KLHDC4: variants seen among roughly 807,000 people sequenced by gnomAD.
KLHDC4 encodes the protein kelch domain-containing protein 4.
Under a neutral mutation model 62.4 loss-of-function variants are expected in KLHDC4, and 90 were observed. That is an observed-to-expected ratio of 1.44 (90% CI 1.22 to 1.72). The LOEUF is 1.72. KLHDC4 is among the 40% of genes most tolerant of loss of function. KLHDC4 has a pLI of 0.00. For synonymous variants in KLHDC4, 386 were observed against 284.4 expected (o/e 1.36, Z -3.59); for missense variants, 1,025 against 699.7 (o/e 1.47, Z -5.25).
intron 7 of KLHDC4, among the ~76,000 whole-genome samples, chr16:87,717,435 G>C (rs1010373831): frequency 1.3e-5 from 2 of 152,164 alleles, no homozygotes; most frequent in African/African-American, 4.8e-5. Context: ...ACTGTCCACA[G>C]AGACTTCATA....
intron 2 of KLHDC4, among the ~76,000 whole-genome samples, chr16:87,760,523 C>T (rs1160905313): frequency 4.8e-5 from 7 of 145,746 alleles, no homozygotes; most frequent in East Asian, 4.2e-4. Flanking sequence ...AGGAGAATGG[C>T]GTGAACCCGG....
intron 8 of KLHDC4, among the ~76,000 whole-genome samples, chr16:87,713,458 A>G (rs942162436): frequency 1.3e-5 from 2 of 152,086 alleles, no homozygotes; most frequent in South Asian, 2.1e-4. Context: ...TCAGCCTCCC[A>G]AAGTGCTGGG....
intron 5 of KLHDC4, among the ~76,000 whole-genome samples, chr16:87,741,770 TC>T (rs1445709800): frequency 2.0e-5 from 3 of 152,188 alleles, no homozygotes; most frequent in Admixed American, 2.0e-4. Context: ...GACTGACTAC[TC>T]CAGATACTGA....
At chr16:87,720,183 G>C (rs1335278058) in intron 7 of KLHDC4, among the ~76,000 whole-genome samples, 1 of 152,216 alleles carries the variant, frequency 6.6e-6, no homozygotes, top group African/African-American at 2.4e-5. Flanking sequence ...GTCACAGAAT[G>C]GGCCGGCGGT....
chr16:87,720,293 A>G (rs1368247055), intron 7 of KLHDC4, among the ~76,000 whole-genome samples: 1 of 152,186 alleles, frequency 6.6e-6, no homozygotes, highest in Non-Finnish European at 1.5e-5. Flanking sequence ...ACTGATGTTC[A>G]CCGAAATCAC....
intron 1 of KLHDC4, chr16:87,763,623 A>T (rs2046198239): frequency 1.3e-5 from 2 of 152,240 alleles, no homozygotes; most frequent in African/African-American, 4.8e-5. Context: ...AATAAAAAAT[A>T]AAATGTCATT....
chr16:87,764,392 G>C (rs1013052408), intron 1 of KLHDC4, among the ~76,000 whole-genome samples: 4 of 152,072 alleles, frequency 2.6e-5, no homozygotes, highest in African/African-American at 9.7e-5. Context: ...CTTACGGCTT[G>C]TAATCCCAGC....
At position 87,712,872 on chromosome 16, in the gene KLHDC4, C is replaced by T. The variant is rs568733232; in HGVS notation, c.836-1429G>A. Among the ~76,000 whole-genome samples, 4 of 152,304 alleles carry T rather than the reference C, an allele frequency of 2.6e-5. No individual in the cohort carries two copies. The South Asian group carries it at 6.2e-4, about 24-fold the overall frequency. ...AGGCATTGGGTCTCCTGGGTCTAGC[C>T]CAGCCCTCTGGTCCCAAGCCACAGC... On this transcript the variant is annotated intron_variant, in intron 8 of 11. Coordinates refer to ENST00000270583, the MANE Select transcript of KLHDC4 (RefSeq NM_017566.4).
chr16:87,705,690 T>TTC (rs1256863420), downstream of KLHDC4, among the ~76,000 whole-genome samples: 1 of 152,206 alleles, frequency 6.6e-6, no homozygotes, highest in Non-Finnish European at 1.5e-5. Flanking sequence ...AACAAGATAT[T>TTC]TCCTCTTCTT....
intron 7 of KLHDC4, 45 bp downstream of exon 7, chr16:87,726,720 T>TCTCCCCACCCCGCGCCTCGCCCGTC (rs745354844): frequency 7.4e-7 from 1 of 1,352,002 alleles, no homozygotes; most frequent in African/African-American, 1.6e-5. Flanking sequence ...GCCTCGCCTG[T>TCTCCCCACCCCGCGCCTCGCCCGTC]TTCCCGGTCC....
At chr16:87,714,806 C>A (rs936568838) in intron 7 of KLHDC4, among the ~76,000 whole-genome samples, 1 of 152,200 alleles carries the variant, frequency 6.6e-6, no homozygotes, top group South Asian at 2.1e-4. Flanking sequence ...CGCGATCACA[C>A]AGTACACTAG....
chr16:87,718,127 T>A (rs1386316010), intron 7 of KLHDC4, among the ~76,000 whole-genome samples: 2 of 152,130 alleles, frequency 1.3e-5, no homozygotes, highest in Non-Finnish European at 2.9e-5. Context: ...GTGTTGTGAC[T>A]TTTCCCAAAA....
intron 5 of KLHDC4, among the ~76,000 whole-genome samples, chr16:87,740,302 A>C (rs2042048612): frequency 6.6e-6 from 1 of 152,006 alleles, no homozygotes; most frequent in African/African-American, 2.4e-5. Context: ...GTGCATCCCG[A>C]GGGGACCACC....
chr16:87,747,541 C>G (rs1431044868), intron 5 of KLHDC4: 2 of 152,182 alleles, frequency 1.3e-5, no homozygotes, highest in Non-Finnish European at 2.9e-5. Flanking sequence ...GACGGAAAAG[C>G]CTGGGAACAC....
chr16:87,729,666 C>T (rs956741651), intron 6 of KLHDC4, among the ~76,000 whole-genome samples: 10 of 152,350 alleles, frequency 6.6e-5, no homozygotes, highest in Admixed American at 2.0e-4. Context: ...GCCAGCTGCA[C>T]GAACACCCAC....
chr16:87,764,012 G>C (rs2143519289), intron 1 of KLHDC4, among the ~76,000 whole-genome samples: 1 of 152,318 alleles, frequency 6.6e-6, no homozygotes, highest in African/African-American at 2.4e-5. Flanking sequence ...CAGAGGCCAG[G>C]ACTAAGTGAA....
chr16:87,765,447 C>A, intron 1 of KLHDC4: 1 of 498,840 alleles, frequency 2.0e-6, no homozygotes. Flanking sequence ...TGTGCCAAAC[C>A]CCTCCCTCTT....
chr16:87,725,829 G>A (rs1450376768), intron 7 of KLHDC4, among the ~76,000 whole-genome samples: 1 of 152,166 alleles, frequency 6.6e-6, no homozygotes. Flanking sequence ...GTGGGCGCGA[G>A]AACATTCCTG....
chr16:87,727,120 C>G (rs114631552), intron 6 of KLHDC4, among the ~76,000 whole-genome samples, 196 bp from the exon 7 acceptor site: 3 of 152,162 alleles, frequency 2.0e-5, no homozygotes, highest in Non-Finnish European at 2.9e-5. Flanking sequence ...GAGCCAGAGA[C>G]GCCAGTCAGG....
Sources: gnomAD v4.1 joint callset for allele counts (sites outside exome capture counted in the v4.1 genomes callset) on GRCh38, gnomAD v4.1.1 for gene constraint, MANE v1.5 for transcripts, NCBI Gene and HGNC (gene_info 2026-07-23, HGNC 2026-07-21) for gene names.